THNSL1: variants seen among roughly 807,000 people sequenced by gnomAD.
The protein encoded by THNSL1 is threonine synthase-like 1.
Under a neutral mutation model 50.4 loss-of-function variants are expected in THNSL1, and 48 were observed. The ratio of observed to expected loss-of-function variants is 0.95; its 90% CI spans 0.76 to 1.21. THNSL1 has a LOEUF of 1.21. THNSL1 is among the 50% of genes most tolerant of loss of function. The pLI is 0.00. For missense variants in THNSL1, 896 were observed against 871.7 expected, an observed-to-expected ratio of 1.03 and a Z score of -0.35; for synonymous variants, 309 against 306.1, an observed-to-expected ratio of 1.01 and a Z score of -0.10.
chr10:24,974,474 TA>T, the THNSL1 span, among the ~76,000 whole-genome samples: 1 of 152,186 alleles, frequency 6.6e-6, no homozygotes, highest in African/African-American at 2.4e-5. Flanking sequence ...GTAGACGTCT[TA>T]TGAAGAATCA....
the THNSL1 span, among the ~76,000 whole-genome samples, chr10:24,992,776 G>T: frequency 6.6e-6 from 1 of 152,182 alleles, no homozygotes; most frequent in African/African-American, 2.4e-5. Context: ...ACAAGGGATA[G>T]AAATCCTAGA....
the THNSL1 span, among the ~76,000 whole-genome samples, chr10:25,007,097 C>T: frequency 6.6e-6 from 1 of 152,302 alleles, no homozygotes; most frequent in South Asian, 2.1e-4. Flanking sequence ...CTGGCAGACA[C>T]AGTCTTATTC....
chr10:25,006,543 G>A, the THNSL1 span, among the ~76,000 whole-genome samples: 4 of 152,234 alleles, frequency 2.6e-5, no homozygotes, highest in South Asian at 4.1e-4. Flanking sequence ...TTAAGCAAAC[G>A]TGCATGATTG....
At chr10:25,014,231 G>T (rs1049666296), upstream of THNSL1, among the ~76,000 whole-genome samples, 1 of 152,034 alleles carries the variant, frequency 6.6e-6, no homozygotes, top group Admixed American at 6.6e-5. Flanking sequence ...CCAAAAAGAC[G>T]GTAAACTCTG....
the THNSL1 span, chr10:24,995,602 A>C: frequency 4.2e-5 from 63 of 1,494,590 alleles, no homozygotes; most frequent in Admixed American, 5.7e-5. Flanking sequence ...CCATATTTAA[A>C]TTATTTGAAT....
At chr10:24,992,888 C>G in the THNSL1 span, among the ~76,000 whole-genome samples, 1 of 152,156 alleles carries the variant, frequency 6.6e-6, no homozygotes, top group South Asian at 2.1e-4. Flanking sequence ...CAATCCACTT[C>G]AGGAAACACT....
rs760415175 is a variant in THNSL1 at position 25,023,398 on chromosome 10, A to C, written c.175A>C (p.Ile59Leu). 2.5e-6 allele frequency: 4 copies of C among 1,614,058 alleles called. No individual in the cohort carries two copies. In the Admixed American group the frequency reaches 6.7e-5, roughly 27 times the overall value. The change falls in exon 3 of 3, where the codon ATC becomes CTC. Residue 59 changes from isoleucine to leucine, a missense_variant. Ile to Leu is a conservative substitution (Grantham distance 5). Transcript: ENST00000376356. ...THSLVGDKNI[I>L]LMGPPGAGKT... ...CTCTCTTGTTGGAGACAAAAATATT[A>C]TCCTGATGGGACCTCCTGGTGCTGG...
chr10:25,022,055 G>T (rs898222669), intron 2 of THNSL1, 147 bp downstream of exon 2: 1 of 152,036 alleles, frequency 6.6e-6, no homozygotes, highest in East Asian at 1.9e-4. Context: ...TGGTTTAGTT[G>T]CATATTGCTT....
chr10:24,952,654 GTGGGGA>G, the THNSL1 span: 10 of 1,048,502 alleles, frequency 9.5e-6, no homozygotes, highest in South Asian at 8.4e-5. This position sits in a 1 kb window ranked among gnomAD's most constrained non-coding sequence, Gnocchi z 5.1. Flanking sequence ...GGGATGGGAC[GTGGGGA>G]TGGGGACGGG....
Position 25,025,086 on chromosome 10 carries a change from G to A in THNSL1, c.1863G>A (p.Glu621=). 3 of 1,614,064 alleles carry A rather than the reference G, an allele frequency of 1.9e-6. No individual in the cohort carries two copies. Among genetic ancestry groups the A allele is most frequent in the Non-Finnish European group, 1.7e-6 (2 of 1,180,038 alleles). ...ATTTTGTAGCTGACTGGTGCTCTGA[G>A]GGAGAGTGCCTAGCAGCTATTAACT... ...QQDFVADWCS[E]GECLAAINST... Residue 621 remains glutamate, a synonymous_variant, in exon 3 of 3, where the codon GAG becomes GAA. Coordinates refer to ENST00000376356, the MANE Select transcript of THNSL1 (RefSeq NM_024838.5).
In THNSL1 at chr10:25,023,227, C is replaced by G. The variant is rs201231585; in HGVS notation, c.4C>G (p.Leu2Val). M[L>V]HFNRCHHLKK... ...TGGGCAGAAAAGTGAAAAGAGAATG[C>G]TCCACTTTAACCGATGTCATCATCT... The change falls in exon 3 of 3, where the codon CTC becomes GTC. Residue 2 changes from leucine (L) to valine (V), a missense_variant. Coordinates refer to ENST00000376356, the MANE Select transcript of THNSL1 (RefSeq NM_024838.5). The G allele has an allele frequency of 1.0e-5, 16 of 1,605,720 alleles. No individual in the cohort carries two copies. The highest frequency in any genetic ancestry group is 6.7e-5 in the South Asian group (6 of 89,812).
rs771328451 is a variant in THNSL1, at chr10:25,025,077, G to A, written c.1854G>A (p.Trp618Ter). ...TTCAGCAGGATTTTGTAGCTGACTG[G>A]TGCTCTGAGGGAGAGTGCCTAGCAG... Reference protein sequence around the residue: ...EKLQQDFVADWCSEGECLAAI... With the variant: ...EKLQQDFVAD The change falls in exon 3 of 3, where the codon TGG becomes TGA. Residue 618 changes from tryptophan to a stop codon, truncating the protein, a stop_gained. Coordinates refer to ENST00000376356, the MANE Select transcript of THNSL1 (RefSeq NM_024838.5). LOFTEE classifies it high-confidence loss of function. The A allele has an allele frequency of 6.2e-7, 1 of 1,614,196 alleles. No homozygotes were observed. Among genetic ancestry groups the A allele is most frequent in the Non-Finnish European group, 8.5e-7 (1 of 1,180,038 alleles).
chr10:25,009,961 A>G, the THNSL1 span, among the ~76,000 whole-genome samples: 1 of 152,186 alleles, frequency 6.6e-6, no homozygotes, highest in East Asian at 1.9e-4. Flanking sequence ...TAGTATGAGA[A>G]CAGACTAATA....
Position 25,023,636 on chromosome 10 carries a change from A to C in THNSL1, c.413A>C (p.His138Pro). The change falls in exon 3 of 3, where the codon CAT becomes CCT. Residue 138 changes from histidine (H) to proline (P), a missense_variant. Transcript: ENST00000376356. ...VISLTGSNPM[H>P]DASMWHLKKN... ...TCCCTTACTGGGTCCAATCCAATGC[A>C]TGATGCTAGCATGTGGCATCTGAAG... 3 of 1,614,228 alleles carry C rather than the reference A, an allele frequency of 1.9e-6. No homozygotes were observed. Among genetic ancestry groups the C allele is most frequent in the Non-Finnish European group, 2.5e-6 (3 of 1,180,036 alleles).
At chr10:24,962,911 TCA>T in the THNSL1 span, among the ~76,000 whole-genome samples, 1 of 152,124 alleles carries the variant, frequency 6.6e-6, no homozygotes, top group African/African-American at 2.4e-5. Flanking sequence ...ACCCTAAAAG[TCA>T]CACACACAGG....
chr10:25,012,178 A>G (rs1850461828), upstream of THNSL1, among the ~76,000 whole-genome samples: 1 of 152,240 alleles, frequency 6.6e-6, no homozygotes, highest in Non-Finnish European at 1.5e-5. Context: ...CTCCACCTAG[A>G]TTTCAAAGGT....
chr10:24,957,820 G>A, the THNSL1 span, among the ~76,000 whole-genome samples: 1 of 152,136 alleles, frequency 6.6e-6, no homozygotes, highest in Non-Finnish European at 1.5e-5. Context: ...GAGGGGTCTA[G>A]TTTCATTCTT....
Position 25,024,193 on chromosome 10 carries a change from T to C in THNSL1, c.970T>C (p.Cys324Arg). The C allele has an allele frequency of 6.2e-7, 1 of 1,614,224 alleles. No homozygotes were observed. The highest frequency in any genetic ancestry group is 2.2e-5 in the East Asian group (1 of 44,888). Residue 324 changes from cysteine (C) to arginine (R), a missense_variant, in exon 3 of 3, where the codon TGC becomes CGC. Physicochemically the swap from Cys to Arg is radical, Grantham distance 180. Transcript: ENST00000376356. ...IETAYGENFA[C>R]SKIAPVRHLS... ...AACTGCTTATGGGGAAAACTTTGCCTGCTCAAAAATTGCTCCTGTCAGGCA... is the reference window on the plus strand; with the variant it reads ...AACTGCTTATGGGGAAAACTTTGCCCGCTCAAAAATTGCTCCTGTCAGGCA...
the THNSL1 span, chr10:24,985,044 C>G: frequency 1.3e-6 from 1 of 744,406 alleles, no homozygotes; most frequent in Non-Finnish European, 2.2e-6. Flanking sequence ...ATGTATTTAT[C>G]AAGTACTTGG....
Sources: allele counts gnomAD v4.1 joint callset (sites outside exome capture counted in the v4.1 genomes callset), GRCh38; gene constraint gnomAD v4.1.1; non-coding constraint Gnocchi (gnomAD v3.1); transcripts MANE v1.5; gene names NCBI Gene and HGNC (gene_info 2026-07-23, HGNC 2026-07-21).